GAPVD1: variants seen among roughly 807,000 people sequenced by gnomAD.
GAPVD1 encodes GTPase-activating protein and VPS9 domain-containing protein 1.
A neutral mutation model predicts 155.5 loss-of-function variants in GAPVD1; 35 were observed. The ratio of observed to expected loss-of-function variants is 0.23; its 90% CI spans 0.17 to 0.30. The LOEUF is 0.30. Among genes scored for constraint, GAPVD1 ranks in the 10% least tolerant of loss-of-function variants. GAPVD1 has a pLI of 1.00. For synonymous variants in GAPVD1, 636 were observed against 619.7 expected, an observed-to-expected ratio of 1.03 and a Z score of -0.39; for missense variants, 1,429 against 1,775.7, an observed-to-expected ratio of 0.80 and a Z score of 3.51.
chr9:125,271,010 A>AT (rs918116846), intron 2 of GAPVD1, among the ~76,000 whole-genome samples: 15 of 149,604 alleles, frequency 1.0e-4, no homozygotes, highest in South Asian at 4.2e-4. Flanking sequence ...GTTTCTATAA[A>AT]TTTTTTTTTT....
chr9:125,302,659 T>C lies in GAPVD1; in HGVS notation c.862T>C (p.Tyr288His). ...TTTAAGGTGGATCGTGTCTCAGATGTACAAAACCCTCTCCTGTGTAGATAG... is the reference window on the plus strand; with the variant it reads ...TTTAAGGTGGATCGTGTCTCAGATGCACAAAACCCTCTCCTGTGTAGATAG... ...HSLRWIVSQM[Y>H]KTLSCVDRLE... is the part of the protein sequence containing the mutation. The change falls in exon 5 of 28, where the codon TAC (tyrosine) becomes CAC (histidine). Residue 288 changes from tyrosine (Y) to histidine (H), a missense_variant. Around this residue, in one of 4 missense-constraint regions of GAPVD1, gnomAD observed 628 missense variants for 733.4 expected, o/e 0.86. Transcript: ENST00000297933. 2.5e-6 allele frequency: 4 copies of C among 1,613,970 alleles called. No homozygotes were observed. Among genetic ancestry groups the C allele is most frequent in the Non-Finnish European group, 2.5e-6 (3 of 1,179,860 alleles).
intron 2 of GAPVD1, among the ~76,000 whole-genome samples, chr9:125,294,652 G>GTTTT (rs34715258): frequency 1.5e-5 from 2 of 135,124 alleles, no homozygotes; most frequent in African/African-American, 2.7e-5. Flanking sequence ...AGCTAAAATG[G>GTTTT]TTTTTTTTTT....
At chr9:125,333,140 T>G (rs1846328570) in intron 15 of GAPVD1, among the ~76,000 whole-genome samples, 2 of 152,124 alleles carry the variant, frequency 1.3e-5, no homozygotes, top group African/African-American at 4.8e-5. Flanking sequence ...TGGCACGATC[T>G]TGGCTCACTG....
chr9:125,263,528 G>T (rs74935058), intron 1 of GAPVD1: 11,612 of 698,350 alleles, frequency 0.017, 561 homozygotes, highest in African/African-American at 0.15. Context: ...AAGAACTGTT[G>T]TTTTTTTTTT....
chr9:125,312,445 T>G lies in GAPVD1; in HGVS notation c.1442-7T>G. On this transcript the variant is annotated splice_polypyrimidine_tract_variant and splice_region_variant and intron_variant, in intron 8 of 27. Coordinates refer to ENST00000297933, the MANE Select transcript of GAPVD1 (RefSeq NM_001282680.3). Reference sequence around the variant, plus strand: ...TCTAAATTATTTTATTTGAAATTTTTTATTAGCAACTCGGAGCAGAAGCCG... The same window carrying G: ...TCTAAATTATTTTATTTGAAATTTTGTATTAGCAACTCGGAGCAGAAGCCG... 6.4e-7 allele frequency: 1 copy of G among 1,553,636 alleles called. No individual in the cohort carries two copies. The highest frequency in any genetic ancestry group is 1.4e-5 in the African/African-American group (1 of 71,630).
intron 2 of GAPVD1, among the ~76,000 whole-genome samples, chr9:125,280,659 TCC>T (rs1195506224): frequency 2.7e-5 from 4 of 149,470 alleles, no homozygotes; most frequent in African/African-American, 9.8e-5. Context: ...CACTGCAAAC[TCC>T]GCCTCCTGGG....
intron 2 of GAPVD1, among the ~76,000 whole-genome samples, chr9:125,279,443 C>T (rs1285633789): frequency 2.7e-5 from 4 of 150,820 alleles, no homozygotes; most frequent in East Asian, 2.0e-4. Flanking sequence ...TGGTGGCACA[C>T]GCCTGTAATC....
chr9:125,352,784 T>G (rs1291466183), intron 23 of GAPVD1, among the ~76,000 whole-genome samples: 1 of 152,238 alleles, frequency 6.6e-6, no homozygotes, highest in African/African-American at 2.4e-5. Flanking sequence ...CTGCAAAGTT[T>G]CTGAACGTTT....
chr9:125,294,370 C>T (rs1564314015), intron 2 of GAPVD1, among the ~76,000 whole-genome samples: 3 of 131,904 alleles, frequency 2.3e-5, no homozygotes, highest in South Asian at 4.8e-4. Context: ...TTTTTTGAGA[C>T]GGAATCTCGC....
intron 5 of GAPVD1, chr9:125,303,974 T>C (rs1232049662): frequency 6.6e-6 from 1 of 152,190 alleles, no homozygotes; most frequent in Non-Finnish European, 1.5e-5. Flanking sequence ...GGTGCCATGC[T>C]AATCTTCTCT....
intron 2 of GAPVD1, 105 bp downstream of exon 2, chr9:125,269,089 A>G (rs1022577975): frequency 6.6e-6 from 1 of 151,648 alleles, no homozygotes. Flanking sequence ...TTTTTGAGAC[A>G]TATTCTCACT....
chr9:125,351,761 A>G (rs1333891355), intron 23 of GAPVD1, among the ~76,000 whole-genome samples: 1 of 146,126 alleles, frequency 6.8e-6, no homozygotes, highest in Non-Finnish European at 1.5e-5. Context: ...TTCCCCCGAG[A>G]TGGAATTTCG....
At chr9:125,301,095 G>T (rs543274557) in intron 4 of GAPVD1, among the ~76,000 whole-genome samples, 5 of 151,328 alleles carry the variant, frequency 3.3e-5, no homozygotes, top group East Asian at 1.9e-4. Context: ...TTTCAGACAG[G>T]ATCTGGCTGT....
At chr9:125,346,720 T>G in intron 19 of GAPVD1, 99 bp from the exon 20 acceptor site, 1 of 943,960 alleles carries the variant, frequency 1.1e-6, no homozygotes, top group Non-Finnish European at 1.8e-6. Flanking sequence ...AAGTCTTACC[T>G]CCTAATCTGC....
chr9:125,354,584 G>A (rs1849791494), intron 23 of GAPVD1, 70 bp from the exon 24 acceptor site: 2 of 1,007,176 alleles, frequency 2.0e-6, no homozygotes, highest in Non-Finnish European at 3.0e-6. Context: ...AGAAAAGTTA[G>A]GACCCTTATT....
rs1849186861 is a variant in GAPVD1, at chr9:125,350,813, G to A, written c.3510G>A (p.Val1170=). 6.2e-7 allele frequency: 1 copy of A among 1,613,626 alleles called. No individual in the cohort carries two copies. The highest frequency in any genetic ancestry group is 8.5e-7 in the Non-Finnish European group (1 of 1,179,536). Residue 1170 remains valine (V), a synonymous_variant, in exon 23 of 28, where the codon GTG becomes GTA. Coordinates refer to ENST00000297933, the MANE Select transcript of GAPVD1 (RefSeq NM_001282680.3). ...MAQLQETMRC[V]CRFDNRTCRK... is the part of the protein sequence containing the mutation. Reference sequence around the variant, plus strand: ...AACTTCAAGAAACAATGCGCTGTGTGTGCCGTTTTGATAATAGGACTTGTA... The same window carrying A: ...AACTTCAAGAAACAATGCGCTGTGTATGCCGTTTTGATAATAGGACTTGTA...
At chr9:125,339,475 C>T (rs1847528249) in intron 17 of GAPVD1, among the ~76,000 whole-genome samples, 1 of 152,208 alleles carries the variant, frequency 6.6e-6, no homozygotes, top group African/African-American at 2.4e-5. Context: ...GTACTTTGTC[C>T]TAGTTAGCTC....
chr9:125,335,273 A>G (rs969526252), intron 15 of GAPVD1: 2 of 672,124 alleles, frequency 3.0e-6, no homozygotes, highest in Non-Finnish European at 5.4e-6. Context: ...CATTAAAAAT[A>G]CTTGCAAAAA....
At chr9:125,335,376 C>A (rs968028669) in intron 15 of GAPVD1, 5 of 403,992 alleles carry the variant, frequency 1.2e-5, no homozygotes, top group Non-Finnish European at 1.8e-5. Context: ...AAAATTTTTT[C>A]TTTTTTTTTT....
Sources: allele counts gnomAD v4.1 joint callset (sites outside exome capture counted in the v4.1 genomes callset), GRCh38; gene constraint gnomAD v4.1.1; regional missense constraint gnomAD v4.1.1; transcripts MANE v1.5; gene names NCBI Gene and HGNC (gene_info 2026-07-23, HGNC 2026-07-21).